FANCC: variants seen among roughly 807,000 people sequenced by gnomAD.
FANCC encodes Fanconi anemia group C protein.
Under a neutral mutation model 71.3 loss-of-function variants are expected in FANCC, and 55 were observed. The ratio of observed to expected loss-of-function variants is 0.77; its 90% CI spans 0.62 to 0.97. FANCC has a LOEUF of 0.97. Ranked by LOEUF, FANCC falls within the 50% of genes least tolerant of loss-of-function variation. The probability of loss-of-function intolerance (pLI) is 0.00; values close to 1 mark genes in which losing one functional copy is unlikely to be tolerated. For missense variants in FANCC, 678 were observed against 670.9 expected, an observed-to-expected ratio of 1.01 and a Z score of -0.12; for synonymous variants, 275 against 244.9, an observed-to-expected ratio of 1.12 and a Z score of -1.15.
intron 3 of FANCC, among the ~76,000 whole-genome samples, chr9:95,244,872 C>G (rs993845052): frequency 6.6e-6 from 1 of 151,874 alleles, no homozygotes; most frequent in Non-Finnish European, 1.5e-5. Flanking sequence ...GAGTGGGGTT[C>G]TGGCTCTTCT....
intron 11 of FANCC, 83 bp from the exon 12 acceptor site, chr9:95,114,793 A>C (rs1171905352): frequency 3.2e-5 from 37 of 1,147,622 alleles, no homozygotes; most frequent in Non-Finnish European, 4.5e-5. Flanking sequence ...TGACCTGAAG[A>C]GTCTTTGGGA....
Position 95,265,230 on chromosome 9 carries a change from G to A in FANCC, c.-78-15861C>T, listed in dbSNP as rs143444620. Among the ~76,000 whole-genome samples, 67 of 152,168 alleles carry A rather than the reference G, an allele frequency of 4.4e-4. 1 individual carries two copies. The East Asian group carries it at 0.011, about 25-fold the overall frequency. ...ATTGTAAACAAAATCTGGGCCTAAGGAATTGGAGGAGGCAACTTCAATCCA... is the reference window on the plus strand; with the variant it reads ...ATTGTAAACAAAATCTGGGCCTAAGAAATTGGAGGAGGCAACTTCAATCCA... On this transcript the variant is annotated intron_variant, in intron 1 of 14. Coordinates refer to ENST00000289081, the MANE Select transcript of FANCC (RefSeq NM_000136.3).
intron 2 of FANCC, 78 bp downstream of exon 2, chr9:95,249,049 G>T: frequency 2.0e-6 from 3 of 1,487,442 alleles, no homozygotes; most frequent in Non-Finnish European, 1.9e-6. Flanking sequence ...CCGATTCTGG[G>T]TGGCATTCTG....
intron 10 of FANCC, among the ~76,000 whole-genome samples, chr9:95,119,123 T>C (rs2072662365): frequency 6.6e-6 from 1 of 152,224 alleles, no homozygotes; most frequent in East Asian, 1.9e-4. Flanking sequence ...TCCTACCTGT[T>C]TCACTCTGCA....
chr9:95,249,374 A>G lies in FANCC; in HGVS notation c.-78-5T>C, dbSNP rs759003098. On this transcript the variant is annotated splice_region_variant and splice_polypyrimidine_tract_variant and intron_variant, in intron 1 of 14. Coordinates refer to ENST00000289081, the MANE Select transcript of FANCC (RefSeq NM_000136.3). ...AATGGTCGGCACACATTAAATCTGT[A>G]AGAAAGGGAACAAATAGAAGCATTT... The G allele has an allele frequency of 1.5e-6, 2 of 1,361,724 alleles. No individual in the cohort carries two copies. Among genetic ancestry groups the G allele is most frequent in the Non-Finnish European group, 2.1e-6 (2 of 959,660 alleles). 84.4% of individuals were successfully genotyped at this position (1,361,724 alleles called of 1,614,324 possible).
At chr9:95,267,984 C>G (rs891592188) in intron 1 of FANCC, among the ~76,000 whole-genome samples, 2 of 152,240 alleles carry the variant, frequency 1.3e-5, no homozygotes, top group Non-Finnish European at 2.9e-5. Context: ...AGGAGCCCAG[C>G]TGCTGGCCCC....
chr9:95,134,590 G>C (rs1827377990), intron 8 of FANCC, among the ~76,000 whole-genome samples: 1 of 152,268 alleles, frequency 6.6e-6, no homozygotes, highest in Admixed American at 6.5e-5. Flanking sequence ...GGAAGACAGA[G>C]GCTGCGGGAC....
intron 1 of FANCC, among the ~76,000 whole-genome samples, chr9:95,274,028 T>A (rs1459123072): frequency 1.3e-5 from 2 of 152,220 alleles, no homozygotes; most frequent in African/African-American, 4.8e-5. Flanking sequence ...AACCATTTTT[T>A]AATTTTTTTA....
At chr9:95,275,710 G>T (rs1339945765) in intron 1 of FANCC, among the ~76,000 whole-genome samples, 1 of 152,136 alleles carries the variant, frequency 6.6e-6, no homozygotes, top group Non-Finnish European at 1.5e-5. Flanking sequence ...GGCAGGAATA[G>T]GAGGAAGTGT....
intron 10 of FANCC, among the ~76,000 whole-genome samples, chr9:95,123,124 A>C (rs189558814): frequency 6.4e-4 from 97 of 151,732 alleles, no homozygotes; most frequent in African/African-American, 2.2e-3. Flanking sequence ...CAACAGAGAG[A>C]CTCTATCTCT....
intron 1 of FANCC, among the ~76,000 whole-genome samples, chr9:95,256,962 G>A (rs1053827578): frequency 6.6e-6 from 1 of 152,110 alleles, no homozygotes; most frequent in Non-Finnish European, 1.5e-5. Flanking sequence ...ATGGTAAAGG[G>A]ATGAATACAA....
chr9:95,211,492 G>A (rs558612730), intron 4 of FANCC, among the ~76,000 whole-genome samples: 1 of 152,182 alleles, frequency 6.6e-6, no homozygotes, highest in East Asian at 1.9e-4. Context: ...CATATGAAAG[G>A]GCAGATAAAA....
chr9:95,126,859 T>G, intron 8 of FANCC: 1 of 426,398 alleles, frequency 2.3e-6, no homozygotes, highest in Non-Finnish European at 4.4e-6. Context: ...TAATACAGAA[T>G]CAGTAAGTAT....
chr9:95,296,877 T>C (rs768811718), intron 1 of FANCC, among the ~76,000 whole-genome samples: 2 of 152,254 alleles, frequency 1.3e-5, no homozygotes, highest in Admixed American at 6.5e-5. Context: ...AGGCAACTCA[T>C]GGCTTTTATA....
intron 1 of FANCC, among the ~76,000 whole-genome samples, chr9:95,274,266 C>T (rs771851866): frequency 3.3e-5 from 5 of 152,128 alleles, no homozygotes; most frequent in Non-Finnish European, 7.3e-5. Context: ...CGAGTGAGAA[C>T]ATGTGGTGTT....
intron 6 of FANCC, among the ~76,000 whole-genome samples, chr9:95,168,186 C>T (rs139586900): frequency 2.0e-3 from 304 of 152,322 alleles, no homozygotes; most frequent in Middle Eastern, 6.8e-3. Flanking sequence ...TTCCAAACTA[C>T]GCCATTTCTC....
At chr9:95,233,457 A>G (rs141349751) in intron 4 of FANCC, among the ~76,000 whole-genome samples, 2 of 152,286 alleles carry the variant, frequency 1.3e-5, no homozygotes, top group Non-Finnish European at 2.9e-5. Context: ...CTAGGTTTCC[A>G]TATCTCAGCC....
intron 5 of FANCC, among the ~76,000 whole-genome samples, chr9:95,171,632 G>A (rs1195913867): frequency 6.6e-6 from 1 of 152,006 alleles, no homozygotes; most frequent in African/African-American, 2.4e-5. Context: ...AATATTAAGA[G>A]GTAAATATTT....
At chr9:95,291,967 A>ATATATATATATATAT (rs1554869938) in intron 1 of FANCC, among the ~76,000 whole-genome samples, 9 of 50,428 alleles carry the variant, frequency 1.8e-4, no homozygotes, top group Admixed American at 3.4e-4. Flanking sequence ...AAAAAAAAAA[A>ATATATATATATATAT]ATATATATAT....
Sources: gnomAD v4.1 joint callset for allele counts (sites outside exome capture counted in the v4.1 genomes callset) on GRCh38, gnomAD v4.1.1 for gene constraint, MANE v1.5 for transcripts, NCBI Gene and HGNC (gene_info 2026-07-23, HGNC 2026-07-21) for gene names.